Variants in CNTN4 observed in about 807,000 individuals in gnomAD.
The protein encoded by CNTN4 is contactin-4.
Under a neutral mutation model 122.5 loss-of-function variants are expected in CNTN4, and 77 were observed. The ratio of observed to expected loss-of-function variants is 0.63; its 90% CI spans 0.52 to 0.76. The LOEUF (loss-of-function observed/expected upper bound fraction) is 0.76, where lower values mean the gene tolerates loss of function less well. Ranked by LOEUF, CNTN4 falls within the 30% of genes least tolerant of loss-of-function variation. The probability of loss-of-function intolerance (pLI) is 0.00; values close to 1 mark genes in which losing one functional copy is unlikely to be tolerated. For missense variants in CNTN4, 1,256 were observed against 1,259.1 expected, an observed-to-expected ratio of 1.00 and a Z score of 0.04; for synonymous variants, 512 against 447.0, an observed-to-expected ratio of 1.15 and a Z score of -1.83.
chr3:3,018,817 A>G (rs1420021), intron 14 of CNTN4, among the ~76,000 whole-genome samples: 99,985 of 151,944 alleles, frequency 0.66, 33,368 homozygotes, highest in Middle Eastern at 0.73. Flanking sequence ...AAAAAGAACC[A>G]GAGCTCCCTG....
chr3:2,962,728 T>G (rs2094874640), intron 13 of CNTN4, among the ~76,000 whole-genome samples: 2 of 152,304 alleles, frequency 1.3e-5, no homozygotes, highest in South Asian at 4.1e-4. Flanking sequence ...CCTTACCAGA[T>G]TGAATCCAGT....
At chr3:2,507,812 T>C (rs2076775725) in intron 3 of CNTN4, among the ~76,000 whole-genome samples, 3 of 150,896 alleles carry the variant, frequency 2.0e-5, no homozygotes, top group Admixed American at 2.0e-4. Context: ...GATAAGTCAG[T>C]TCTCCCCCAA....
chr3:3,036,329 G>A (rs991785405), intron 17 of CNTN4, among the ~76,000 whole-genome samples: 1 of 152,138 alleles, frequency 6.6e-6, no homozygotes, highest in African/African-American at 2.4e-5. Context: ...TAATCACTGA[G>A]TCACAGGTGT....
chr3:3,040,207 T>C lies in CNTN4; in HGVS notation c.2334T>C (p.Gly778=), dbSNP rs759371898. 1.9e-5 allele frequency: 30 copies of C among 1,614,116 alleles called. No individual in the cohort carries two copies. Among genetic ancestry groups the C allele is most frequent in the African/African-American group, 2.7e-5 (2 of 74,946 alleles). The change falls in exon 20 of 25, where the codon GGT becomes GGC. Residue 778 remains glycine (G), a synonymous_variant. Transcript: ENST00000418658. ...HPFSPFEVKV[G]VFNNKGEGPF... ...TCTCTCCCTTTGAGGTTAAAGTAGG[T>C]GTCTTCAACAACAAAGGAGAAGGCC...
intron 3 of CNTN4, among the ~76,000 whole-genome samples, chr3:2,425,584 G>A (rs1349201831): frequency 6.6e-6 from 1 of 152,168 alleles, no homozygotes; most frequent in Non-Finnish European, 1.5e-5. Flanking sequence ...GAACTTTAAA[G>A]TAGTTTTTTC....
At chr3:2,974,596 C>T (rs1252433736) in intron 13 of CNTN4, among the ~76,000 whole-genome samples, 1 of 152,174 alleles carries the variant, frequency 6.6e-6, no homozygotes, top group East Asian at 1.9e-4. Context: ...TCTTGTAGTA[C>T]ATCAATGTGG....
intron 15 of CNTN4, among the ~76,000 whole-genome samples, chr3:3,028,141 G>C (rs1487243768): frequency 6.6e-6 from 1 of 152,136 alleles, no homozygotes; most frequent in Non-Finnish European, 1.5e-5. Context: ...TCAGCATGGT[G>C]GAAATGATGC....
chr3:2,462,123 C>T (rs1357066883), intron 3 of CNTN4, among the ~76,000 whole-genome samples: 1 of 152,242 alleles, frequency 6.6e-6, no homozygotes, highest in Admixed American at 6.5e-5. Flanking sequence ...TATTTGTCCT[C>T]AAGTGTCAAC....
At chr3:2,727,835 A>G (rs545543264) in intron 4 of CNTN4, among the ~76,000 whole-genome samples, 2 of 152,274 alleles carry the variant, frequency 1.3e-5, no homozygotes, top group Non-Finnish European at 2.9e-5. Flanking sequence ...CTGTCGGTAG[A>G]CTTCTCTGTT....
chr3:2,758,517 C>CTTTTTTTTTTTTTT (rs34531341), intron 6 of CNTN4, among the ~76,000 whole-genome samples: 1 of 124,262 alleles, frequency 8.0e-6, no homozygotes, highest in Non-Finnish European at 1.6e-5. Context: ...CAACACCATA[C>CTTTTTTTTTTTTTT]TTTTTTTTTT....
At chr3:2,208,978 A>C (rs768015528) in intron 2 of CNTN4, among the ~76,000 whole-genome samples, 1 of 152,146 alleles carries the variant, frequency 6.6e-6, no homozygotes, top group Non-Finnish European at 1.5e-5. Context: ...GGGAAACCAA[A>C]AACTTTGTGT....
rs117113570 is a variant in CNTN4, at chr3:2,952,814, C to G, written c.1358+27035C>G. On this transcript the variant is annotated intron_variant, in intron 13 of 24. Transcript: ENST00000418658. The stretch of plus-strand genomic sequence containing the variant: ...CTAGTATTCTAATTAGAATGCAATA[C>G]CAACTATGGGAATTACCAAGCAGCT... Among the ~76,000 whole-genome samples the G allele has an allele frequency of 1.1e-3, 160 of 152,266 alleles. 5 individuals are homozygous for G. In the East Asian group the frequency reaches 0.025, roughly 24 times the overall value.
chr3:2,100,272 A>G (rs983395217), intron 1 of CNTN4, among the ~76,000 whole-genome samples: 1 of 152,200 alleles, frequency 6.6e-6, no homozygotes, highest in African/African-American at 2.4e-5. Context: ...GTTTGTCAGA[A>G]TAACAGTGGC....
chr3:2,660,407 G>A (rs150840450), intron 4 of CNTN4, among the ~76,000 whole-genome samples: 70 of 152,260 alleles, frequency 4.6e-4, no homozygotes, highest in Middle Eastern at 3.4e-3. Flanking sequence ...AATAAACAGC[G>A]TGTGTTCACC....
chr3:2,322,713 A>G (rs1575370067), intron 2 of CNTN4, among the ~76,000 whole-genome samples: 1 of 152,208 alleles, frequency 6.6e-6, no homozygotes, highest in Non-Finnish European at 1.5e-5. Flanking sequence ...AATAAAATGT[A>G]TACTGAATTT....
At chr3:2,373,600 T>A (rs986733838) in intron 3 of CNTN4, among the ~76,000 whole-genome samples, 3 of 152,216 alleles carry the variant, frequency 2.0e-5, no homozygotes, top group Non-Finnish European at 2.9e-5. Context: ...AGGCAAATGC[T>A]TCTGGTACAA....
intron 2 of CNTN4, among the ~76,000 whole-genome samples, chr3:2,299,697 A>G (rs2042436284): frequency 6.6e-6 from 1 of 152,208 alleles, no homozygotes; most frequent in Non-Finnish European, 1.5e-5. Context: ...TGTACACAAC[A>G]GAATATTTCA....
intron 3 of CNTN4, among the ~76,000 whole-genome samples, chr3:2,420,984 C>A (rs1032142591): frequency 3.3e-5 from 5 of 152,102 alleles, no homozygotes; most frequent in African/African-American, 1.2e-4. Context: ...TTAAATGATC[C>A]CAGTGTTTGC....
chr3:2,888,117 A>G (rs2093999074), intron 10 of CNTN4, among the ~76,000 whole-genome samples: 1 of 152,190 alleles, frequency 6.6e-6, no homozygotes, highest in Non-Finnish European at 1.5e-5. Flanking sequence ...GATCCCACAA[A>G]AGTCTATTTA....
Sources: gnomAD v4.1 joint callset for allele counts (sites outside exome capture counted in the v4.1 genomes callset) on GRCh38, gnomAD v4.1.1 for gene constraint, MANE v1.5 for transcripts, NCBI Gene and HGNC (gene_info 2026-07-23, HGNC 2026-07-21) for gene names.